UNC5C: variants seen among roughly 807,000 people sequenced by gnomAD.
UNC5C encodes netrin receptor UNC5C.
A neutral mutation model predicts 99.8 loss-of-function variants in UNC5C; 47 were observed. The ratio of observed to expected loss-of-function variants is 0.47; its 90% CI spans 0.37 to 0.60. The LOEUF is 0.60. Among genes scored for constraint, UNC5C ranks in the 20% least tolerant of loss-of-function variants. The pLI is 0.00. For missense variants in UNC5C, 1,062 were observed against 1,165.9 expected (o/e 0.91, Z 1.30); for synonymous variants, 487 against 452.2 (o/e 1.08, Z -0.98).
chr4:95,239,763 C>T (rs17023311), intron 7 of UNC5C, among the ~76,000 whole-genome samples: 68,368 of 152,004 alleles, frequency 0.45, 15,968 homozygotes, highest in East Asian at 0.59. Context: ...TTGTATTAAG[C>T]GCTTAACAAG....
At chr4:95,441,443 A>T (rs888061300) in intron 1 of UNC5C, among the ~76,000 whole-genome samples, 9 of 152,244 alleles carry the variant, frequency 5.9e-5, no homozygotes, top group African/African-American at 1.9e-4. Context: ...CTCTGTGATT[A>T]TCAGTGAAAA....
chr4:95,446,531 T>C lies in UNC5C; in HGVS notation c.124+102203A>G, dbSNP rs192674462. The stretch of plus-strand genomic sequence containing the variant: ...TGTGACCAGACAATGGGAGCAAGGG[T>C]AGGGATTGACGGAAAGTAGACATGA... On this transcript the variant is annotated intron_variant, in intron 1 of 15. Transcript: ENST00000453304. Among the ~76,000 whole-genome samples the C allele has an allele frequency of 5.9e-3, 889 of 149,776 alleles. 13 individuals are homozygous for C. Among genetic ancestry groups the C allele is most frequent in the African/African-American group, 0.021 (826 of 39,262 alleles).
chr4:95,262,147 T>C (rs971223344), intron 4 of UNC5C, among the ~76,000 whole-genome samples: 2 of 152,204 alleles, frequency 1.3e-5, no homozygotes, highest in Non-Finnish European at 2.9e-5. Context: ...TAATTGGGAA[T>C]ATTAGTGTTG....
intron 12 of UNC5C, among the ~76,000 whole-genome samples, chr4:95,187,811 C>T (rs1736896820): frequency 6.6e-6 from 1 of 152,150 alleles, no homozygotes; most frequent in African/African-American, 2.4e-5. Context: ...TTCTCCATCA[C>T]CCAGGAGTGA....
intron 1 of UNC5C, among the ~76,000 whole-genome samples, chr4:95,411,049 T>C (rs1241076283): frequency 6.6e-6 from 1 of 152,042 alleles, no homozygotes; most frequent in Non-Finnish European, 1.5e-5. Flanking sequence ...CTAGCAGGAG[T>C]TCAGCAGGGG....
At chr4:95,283,137 TG>T (rs1296028860) in intron 3 of UNC5C, among the ~76,000 whole-genome samples, 5 of 152,228 alleles carry the variant, frequency 3.3e-5, no homozygotes, top group Non-Finnish European at 7.3e-5. Context: ...TGCAGCATGC[TG>T]TAATTCTTCT....
At chr4:95,337,862 C>G (rs893833266) in intron 1 of UNC5C, among the ~76,000 whole-genome samples, 1 of 151,920 alleles carries the variant, frequency 6.6e-6, no homozygotes, top group Non-Finnish European at 1.5e-5. Flanking sequence ...TCTGCAGAAT[C>G]AATCGTTAAA....
chr4:95,386,447 A>AT lies in UNC5C; in HGVS notation c.125-50817dup, dbSNP rs1491518787. Among the ~76,000 whole-genome samples, 10 of 151,864 alleles carry AT rather than the reference A, an allele frequency of 6.6e-5. No individual in the cohort carries two copies. In the East Asian group the frequency reaches 1.9e-3, roughly 30 times the overall value. On this transcript the variant is annotated intron_variant, in intron 1 of 15. Transcript: ENST00000453304. ...ATGGGCTGAGTATTCACTTCTCCAC[A>AT]TTTTTTCAATCTTATCTCTTTCTTT... is the stretch of plus-strand genomic sequence containing the variant.
At chr4:95,379,219 C>T (rs1423538453) in intron 1 of UNC5C, among the ~76,000 whole-genome samples, 2 of 152,170 alleles carry the variant, frequency 1.3e-5, no homozygotes, top group Non-Finnish European at 2.9e-5. Flanking sequence ...ACGTACTTTA[C>T]ATTTCAAATC....
chr4:95,547,461 T>C (rs1209375872), intron 1 of UNC5C, among the ~76,000 whole-genome samples: 1 of 152,104 alleles, frequency 6.6e-6, no homozygotes, highest in Non-Finnish European at 1.5e-5. Context: ...TGTCTGAACA[T>C]CACCTGGGGA....
At chr4:95,516,807 G>A (rs1008751829) in intron 1 of UNC5C, among the ~76,000 whole-genome samples, 4 of 152,002 alleles carry the variant, frequency 2.6e-5, no homozygotes, top group Non-Finnish European at 5.9e-5. Flanking sequence ...GCCTCATTTC[G>A]ACCAGGCATT....
intron 1 of UNC5C, among the ~76,000 whole-genome samples, chr4:95,356,036 A>T (rs904867216): frequency 1.3e-5 from 2 of 151,676 alleles, no homozygotes; most frequent in African/African-American, 4.8e-5. Flanking sequence ...CAAAAAATTT[A>T]AAAATTAGTT....
At chr4:95,222,062 C>G (rs1579243609) in intron 7 of UNC5C, 1 of 513,404 alleles carries the variant, frequency 1.9e-6, no homozygotes, top group Non-Finnish European at 3.1e-6. Context: ...TCTTCAGCAG[C>G]AAAAATCTAA....
intron 1 of UNC5C, among the ~76,000 whole-genome samples, chr4:95,395,831 G>A (rs1025956833): frequency 3.3e-5 from 5 of 152,186 alleles, no homozygotes; most frequent in Non-Finnish European, 7.3e-5. Context: ...GATAGCCACA[G>A]CAGAGCATTA....
intron 7 of UNC5C, among the ~76,000 whole-genome samples, chr4:95,225,764 G>A (rs1017404497): frequency 6.6e-6 from 1 of 152,114 alleles, no homozygotes; most frequent in African/African-American, 2.4e-5. Context: ...CCAGTATTAA[G>A]TGTACTCACC....
At chr4:95,292,633 G>C (rs1211036793) in intron 3 of UNC5C, among the ~76,000 whole-genome samples, 1 of 152,150 alleles carries the variant, frequency 6.6e-6, no homozygotes, top group Non-Finnish European at 1.5e-5. Context: ...TGATGGTTTA[G>C]AAGGTGAGAA....
At chr4:95,201,464 T>C (rs11737434) in intron 12 of UNC5C, among the ~76,000 whole-genome samples, 88,791 of 151,970 alleles carry the variant, frequency 0.58, 26,501 homozygotes, top group Middle Eastern at 0.74. Context: ...TTCAATCATG[T>C]CTTTTTTCTG....
At chr4:95,291,256 G>T (rs1741433298) in intron 3 of UNC5C, among the ~76,000 whole-genome samples, 1 of 151,974 alleles carries the variant, frequency 6.6e-6, no homozygotes, top group Non-Finnish European at 1.5e-5. Flanking sequence ...ATTTTTTAAG[G>T]TATGTCTTAG....
chr4:95,378,084 C>T (rs1744948209), intron 1 of UNC5C, among the ~76,000 whole-genome samples: 1 of 152,080 alleles, frequency 6.6e-6, no homozygotes. Context: ...CTAAAAGCCA[C>T]ATAGTTAATA....
Sources: allele counts gnomAD v4.1 joint callset (sites outside exome capture counted in the v4.1 genomes callset), GRCh38; gene constraint gnomAD v4.1.1; transcripts MANE v1.5; gene names NCBI Gene and HGNC (gene_info 2026-07-23, HGNC 2026-07-21).